The following SHTN1 variants were observed in gnomAD, a reference collection of about 807,000 sequenced individuals.
SHTN1 encodes the protein shootin 1.
In SHTN1, 42 loss-of-function variants were observed where a neutral mutation model predicts 83.1. That is an observed-to-expected ratio of 0.51 (90% CI 0.39 to 0.65). SHTN1 has a LOEUF of 0.65. SHTN1 is among the 30% of genes least tolerant of loss of function. SHTN1 has a pLI of 0.00. For synonymous variants in SHTN1, 224 were observed against 247.7 expected (o/e 0.90, Z 0.90); for missense variants, 622 against 737.8 (o/e 0.84, Z 1.82).
chr10:116,974,791 T>C (rs1850736199), intron 2 of SHTN1, among the ~76,000 whole-genome samples: 1 of 128,082 alleles, frequency 7.8e-6, no homozygotes, highest in African/African-American at 3.1e-5. Flanking sequence ...CTGAGAAACA[T>C]GAAAGCTATT....
At chr10:117,065,856 A>AGGAGGGAG (rs1237589306) in intron 1 of SHTN1, among the ~76,000 whole-genome samples, 1 of 37,066 alleles carries the variant, frequency 2.7e-5, no homozygotes, top group African/African-American at 1.3e-4. Flanking sequence ...AAGGAAGGAA[A>AGGAGGGAG]GGAGGGAGGG....
chr10:116,932,369 T>G (rs551015151), intron 9 of SHTN1, among the ~76,000 whole-genome samples: 17 of 152,310 alleles, frequency 1.1e-4, no homozygotes, highest in African/African-American at 4.1e-4. Context: ...AACCCTATTG[T>G]GAACTGCACA....
rs941932503 is a variant in SHTN1, at chr10:117,005,106, G to C, written c.-27C>G. On this transcript the variant is annotated 5_prime_UTR_variant, in exon 1 of 17. Coordinates refer to ENST00000355371, the MANE Select transcript of SHTN1 (RefSeq NM_001127211.3). ...TTGGCGGGTGGGGCCGGGAATAAAAGGGAAAGAGGGAGCGGCGCGGGGCAC... is the reference window on the plus strand; with the variant it reads ...TTGGCGGGTGGGGCCGGGAATAAAACGGAAAGAGGGAGCGGCGCGGGGCAC... 5 of 1,580,378 alleles carry C rather than the reference G, an allele frequency of 3.2e-6. No homozygotes were observed. The African/African-American group carries it at 5.4e-5, about 17-fold the overall frequency.
intron 7 of SHTN1, among the ~76,000 whole-genome samples, chr10:116,945,887 A>T (rs1200923390): frequency 6.6e-6 from 1 of 152,220 alleles, no homozygotes; most frequent in Non-Finnish European, 1.5e-5. Context: ...ATGGAATAGT[A>T]TATAGCAGTG....
intron 1 of SHTN1, among the ~76,000 whole-genome samples, chr10:117,101,529 TA>T (rs994009218): frequency 6.6e-6 from 1 of 152,200 alleles, no homozygotes; most frequent in Non-Finnish European, 1.5e-5. Context: ...TCTTGATTCT[TA>T]ATTCTGAGAA....
chr10:117,027,420 C>T (rs1176746614), intron 2 of SHTN1, among the ~76,000 whole-genome samples: 4 of 152,194 alleles, frequency 2.6e-5, no homozygotes, highest in South Asian at 2.1e-4. Context: ...CAGATACCAG[C>T]ATCATGCTTC....
intron 1 of SHTN1, among the ~76,000 whole-genome samples, chr10:117,072,284 T>C (rs1024450528): frequency 4.6e-5 from 7 of 152,178 alleles, no homozygotes; most frequent in Non-Finnish European, 8.8e-5. Flanking sequence ...TTGTGGGACT[T>C]TGTGATTGTG....
At chr10:116,945,114 C>G (rs1364752138) in intron 7 of SHTN1, 96 bp from the exon 8 acceptor site, 2 of 784,016 alleles carry the variant, frequency 2.6e-6, no homozygotes, top group African/African-American at 1.8e-5. Flanking sequence ...TTTTTCATAC[C>G]AGCATACAGG....
intron 2 of SHTN1, among the ~76,000 whole-genome samples, chr10:117,035,212 G>A (rs960764892): frequency 6.6e-6 from 1 of 152,138 alleles, no homozygotes; most frequent in African/African-American, 2.4e-5. Context: ...TTCAACAAAG[G>A]TGCCAAGAAC....
chr10:116,997,326 T>A lies in SHTN1; in HGVS notation c.58+7696A>T, dbSNP rs547261024. 2.6e-5 allele frequency among the ~76,000 whole-genome samples: 4 copies of A among 152,336 alleles called. No individual in the cohort carries two copies. The East Asian group carries it at 7.7e-4, about 29-fold the overall frequency. On this transcript the variant is annotated intron_variant, in intron 1 of 16. Coordinates refer to ENST00000355371, the MANE Select transcript of SHTN1 (RefSeq NM_001127211.3). ...TATGTTGAGCCACTGCTTATTTTTCTCCCTTGCGATGTGCACTGCATGCAT... is the reference window on the plus strand; with the variant it reads ...TATGTTGAGCCACTGCTTATTTTTCACCCTTGCGATGTGCACTGCATGCAT...
rs532655539 is a variant in SHTN1 at position 116,885,136 on chromosome 10, C to A, written c.*1208G>T. On this transcript the variant is annotated 3_prime_UTR_variant, in exon 17 of 17. Coordinates refer to ENST00000355371, the MANE Select transcript of SHTN1 (RefSeq NM_001127211.3). ...ACACGTGCAAAAATACAATACAATA[C>A]AACTACTGCAATTATTACTATCATT... The A allele has an allele frequency of 6.6e-6, 1 of 152,626 alleles. No individual in the cohort carries two copies. The highest frequency in any genetic ancestry group is 1.5e-5 in the Non-Finnish European group (1 of 68,036). 9.5% of individuals were successfully genotyped at this position (152,626 alleles called of 1,614,324 possible).
intron 1 of SHTN1, among the ~76,000 whole-genome samples, chr10:116,993,119 G>A (rs530314160): frequency 3.4e-5 from 5 of 148,324 alleles, no homozygotes; most frequent in South Asian, 2.1e-4. Context: ...GGGTTCAAGC[G>A]ATTCTCCTGC....
At chr10:116,981,553 T>C (rs996273931) in intron 1 of SHTN1, among the ~76,000 whole-genome samples, 1 of 152,180 alleles carries the variant, frequency 6.6e-6, no homozygotes, top group Non-Finnish European at 1.5e-5. Flanking sequence ...CACCACTGGG[T>C]AGTCTATGGT....
intron 2 of SHTN1, among the ~76,000 whole-genome samples, chr10:117,014,271 A>G (rs1248338849): frequency 6.6e-6 from 1 of 152,196 alleles, no homozygotes; most frequent in African/African-American, 2.4e-5. Context: ...TATACATCCC[A>G]AAAATGGACT....
chr10:116,993,474 C>T (rs1022992900), intron 1 of SHTN1, among the ~76,000 whole-genome samples: 1 of 152,048 alleles, frequency 6.6e-6, no homozygotes, highest in African/African-American at 2.4e-5. Context: ...TTTTCAGGTT[C>T]ACATGACTTG....
intron 15 of SHTN1, among the ~76,000 whole-genome samples, chr10:116,903,381 C>G (rs558936634): frequency 9.9e-5 from 15 of 152,108 alleles, no homozygotes; most frequent in African/African-American, 3.4e-4. Flanking sequence ...AGAAATCAGC[C>G]AGGTTTGATG....
In SHTN1 at chr10:116,902,046, C is replaced by CA. The variant is rs1847760564; in HGVS notation, c.1481-90dup. The CA allele has an allele frequency of 4.9e-6, 6 of 1,225,882 alleles. No homozygotes were observed. In the African/African-American group the frequency reaches 6.4e-5, roughly 13 times the overall value. 75.9% of individuals were successfully genotyped at this position (1,225,882 alleles called of 1,614,324 possible). ...AAAAACAGATTAGCTGAAAATCCCT[C>CA]AAGAAGTGAAAAGGCCAAGTTTGTT... On this transcript the variant is annotated intron_variant, in intron 15 of 16. Transcript: ENST00000355371.
rs770151860 is a variant in SHTN1, at chr10:116,921,448, G to A, written c.1181C>T (p.Thr394Ile). Residue 394 changes from threonine to isoleucine, a missense_variant, in exon 12 of 17, where the codon ACT (threonine) becomes ATT (isoleucine). Thr to Ile is a moderately conservative substitution (Grantham distance 89, BLOSUM62 -1). Transcript: ENST00000355371. ...GTGATGCTTACTTGTTTCTGGTTGA[G>A]TTGCCTTTTCTTTCTTAGCACCACT... is the stretch of plus-strand genomic sequence containing the variant. ...SGSGAKKEKATQPETTEEVTD... is the reference protein window; with the variant it reads ...SGSGAKKEKAIQPETTEEVTD... 1.9e-6 allele frequency: 3 copies of A among 1,613,132 alleles called. No homozygotes were observed. The highest frequency in any genetic ancestry group is 1.3e-5 in the African/African-American group (1 of 74,894).
chr10:116,881,573 G>C lies in SHTN1; in HGVS notation c.*4771C>G, dbSNP rs1299910568. On this transcript the variant is annotated 3_prime_UTR_variant, in exon 17 of 17. Transcript: ENST00000355371. Reference sequence around the variant, plus strand: ...ATGAGGAAGCTGAAAAGGCTGCGGAGGCACTTGAGGCTGCTGCGGCTAGGG... The same window carrying C: ...ATGAGGAAGCTGAAAAGGCTGCGGACGCACTTGAGGCTGCTGCGGCTAGGG... 14 of 1,550,194 alleles carry C rather than the reference G, an allele frequency of 9.0e-6. No individual in the cohort carries two copies. Among genetic ancestry groups the C allele is most frequent in the African/African-American group, 1.4e-5 (1 of 73,034 alleles).
Sources: gnomAD v4.1 joint callset for allele counts (sites outside exome capture counted in the v4.1 genomes callset) on GRCh38, gnomAD v4.1.1 for gene constraint, MANE v1.5 for transcripts, NCBI Gene and HGNC (gene_info 2026-07-23, HGNC 2026-07-21) for gene names.